DACH1: variants seen among roughly 807,000 people sequenced by gnomAD.
DACH1 encodes the protein dachshund family transcription factor 1, also known as dachshund homolog 1.
In DACH1, 12 loss-of-function variants were observed where a neutral mutation model predicts 54.2. That is an observed-to-expected ratio of 0.22 (90% confidence interval 0.14 to 0.36). The LOEUF (loss-of-function observed/expected upper bound fraction) is 0.36, where lower values mean the gene tolerates loss of function less well. Ranked by LOEUF, DACH1 falls within the 10% of genes least tolerant of loss-of-function variation. DACH1 has a pLI of 1.00. For synonymous variants in DACH1, 386 were observed against 366.2 expected (o/e 1.05, Z -0.62); for missense variants, 805 against 929.8 (o/e 0.87, Z 1.75).
rs1874800268 is a variant in DACH1, at chr13:71,866,481, CGCCACCGCCGCCTCCGTTGCCGCTGCT to C, written c.262_288del (p.Ser88_Gly96del). 2 of 1,247,844 alleles carry C rather than the reference CGCCACCGCCGCCTCCGTTGCCGCTGCT, an allele frequency of 1.6e-6. No homozygotes were observed. Among genetic ancestry groups the C allele is most frequent in the Non-Finnish European group, 2.0e-6 (2 of 992,862 alleles). The allele number at this position is 1,247,844 out of a possible 1,614,324, so 77.3% of individuals were successfully genotyped here. ...TTGCAGTTGCTGCCACCGCCGCCGCCGCCACCGCCGCCTCCGTTGCCGCTGCTGCCGCCGCCGCCTCCGCTGCCGCCG... is the reference window on the plus strand; with the variant it reads ...TTGCAGTTGCTGCCACCGCCGCCGCCGCCGCCGCCGCCTCCGCTGCCGCCG... On this transcript the variant is annotated inframe_deletion, in exon 1 of 11. Coordinates refer to ENST00000613252, the MANE Select transcript of DACH1 (RefSeq NM_080759.6).
chr13:71,573,382 A>C (rs1278226729), intron 3 of DACH1: 1 of 712,416 alleles, frequency 1.4e-6, no homozygotes, highest in Non-Finnish European at 2.6e-6. Flanking sequence ...ATTTAAAAAA[A>C]ACTATGATTT....
At chr13:71,775,127 CTTTTTTTT>C (rs767902341) in intron 1 of DACH1, among the ~76,000 whole-genome samples, 3 of 54,028 alleles carry the variant, frequency 5.6e-5, no homozygotes, top group African/African-American at 1.5e-4. Context: ...TCAACACAAG[CTTTTTTTT>C]TTTTTTTTTT....
chr13:71,579,314 G>C (rs1466030265), intron 3 of DACH1, among the ~76,000 whole-genome samples: 1 of 152,060 alleles, frequency 6.6e-6, no homozygotes, highest in Admixed American at 6.6e-5. Flanking sequence ...CAATGGTGCT[G>C]AAAGTAACAA....
Position 71,860,804 on chromosome 13 carries a change from A to G in DACH1, c.848+5118T>C, listed in dbSNP as rs1471994670. ...TTAGTAAAATAACTTGGAAAGATAA[A>G]ATAATACTAATTGATAGTTAAAGCA... On this transcript the variant is annotated intron_variant, in intron 1 of 10. Transcript: ENST00000613252. Among the ~76,000 whole-genome samples the G allele has an allele frequency of 2.0e-5, 3 of 152,026 alleles. No homozygotes were observed. The East Asian group carries it at 5.8e-4, about 29-fold the overall frequency.
intron 6 of DACH1, among the ~76,000 whole-genome samples, chr13:71,498,183 T>C (rs149790269): frequency 1.2e-3 from 187 of 152,308 alleles, no homozygotes; most frequent in African/African-American, 4.2e-3. Context: ...CTATCACCTA[T>C]ATCAGTGAGT....
chr13:71,561,980 A>T (rs1348177975), intron 4 of DACH1, among the ~76,000 whole-genome samples: 1 of 152,074 alleles, frequency 6.6e-6, no homozygotes, highest in African/African-American at 2.4e-5. Context: ...AAAGCGCTAT[A>T]AGAAGCTTCA....
At chr13:71,762,768 CAAAAAAAAAAAAAA>C (rs34543654) in intron 1 of DACH1, among the ~76,000 whole-genome samples, 1 of 71,178 alleles carries the variant, frequency 1.4e-5, no homozygotes, top group South Asian at 5.5e-4. Context: ...AACTTTGTCT[CAAAAAAAAAAAAAA>C]AAAAAAAAAA....
At chr13:71,793,878 T>G (rs2138102245) in intron 1 of DACH1, among the ~76,000 whole-genome samples, 1 of 152,320 alleles carries the variant, frequency 6.6e-6, no homozygotes, top group South Asian at 2.1e-4. Flanking sequence ...TTTAAGTAAC[T>G]TGACCAAGGT....
At position 71,818,128 on chromosome 13, in the gene DACH1, T is replaced by G. The variant is rs75334420; in HGVS notation, c.848+47794A>C. On this transcript the variant is annotated intron_variant, in intron 1 of 10. Transcript: ENST00000613252. ...GCACCCAGCCATTTTCAAAGTACAT[T>G]TATGTCTCACACAATATTTCTATTG... Among the ~76,000 whole-genome samples the G allele has an allele frequency of 1.4e-3, 213 of 152,218 alleles. 1 individual carries two copies. Among genetic ancestry groups the G allele is most frequent in the African/African-American group, 5.0e-3 (207 of 41,530 alleles).
At chr13:71,783,811 GAC>G (rs1181336411) in intron 1 of DACH1, among the ~76,000 whole-genome samples, 1 of 151,288 alleles carries the variant, frequency 6.6e-6, no homozygotes, top group African/African-American at 2.4e-5. Flanking sequence ...AAACATAAAA[GAC>G]ACAAAATAAT....
chr13:71,580,390 C>T (rs1017135997), intron 3 of DACH1, among the ~76,000 whole-genome samples: 1 of 152,018 alleles, frequency 6.6e-6, no homozygotes, highest in Non-Finnish European at 1.5e-5. Flanking sequence ...GATTTATAAT[C>T]ACATTAAATA....
chr13:71,727,759 T>C (rs1883540380), intron 1 of DACH1, among the ~76,000 whole-genome samples: 1 of 152,104 alleles, frequency 6.6e-6, no homozygotes, highest in Non-Finnish European at 1.5e-5. Flanking sequence ...AAATCACTGA[T>C]TCTATATTTA....
chr13:71,616,338 C>G (rs1566380729), intron 3 of DACH1, among the ~76,000 whole-genome samples: 1 of 152,166 alleles, frequency 6.6e-6, no homozygotes, highest in Non-Finnish European at 1.5e-5. Flanking sequence ...ATGCATGCAT[C>G]TTGGAATTTT....
chr13:71,481,906 C>A (rs139150270), intron 7 of DACH1, among the ~76,000 whole-genome samples: 5 of 152,254 alleles, frequency 3.3e-5, no homozygotes, highest in Non-Finnish European at 5.9e-5. Flanking sequence ...CACGTGCAAA[C>A]GGTCACGTTA....
chr13:71,572,706 G>A, intron 4 of DACH1, 134 bp downstream of exon 4: 1 of 970,970 alleles, frequency 1.0e-6, no homozygotes, highest in Non-Finnish European at 1.5e-6. Flanking sequence ...TGCTACAAGT[G>A]ATTTTTTTTA....
At chr13:71,489,763 T>A (rs1308770173) in intron 6 of DACH1, among the ~76,000 whole-genome samples, 2 of 152,100 alleles carry the variant, frequency 1.3e-5, no homozygotes, top group African/African-American at 4.8e-5. Flanking sequence ...CTTGAAGACC[T>A]TTTACCTTCA....
intron 6 of DACH1, among the ~76,000 whole-genome samples, chr13:71,552,526 C>A (rs371220877): frequency 1.3e-5 from 2 of 151,186 alleles, no homozygotes; most frequent in East Asian, 3.9e-4. Context: ...TAAGAAAAAC[C>A]AAAACAAATT....
At chr13:71,517,142 T>C (rs927373822) in intron 6 of DACH1, among the ~76,000 whole-genome samples, 4 of 151,814 alleles carry the variant, frequency 2.6e-5, no homozygotes, top group Non-Finnish European at 5.9e-5. Context: ...TTAAACAATA[T>C]ATGACAGAGA....
chr13:71,734,193 GTATACCCATATATA>G, intron 1 of DACH1, among the ~76,000 whole-genome samples: 1 of 26,960 alleles, frequency 3.7e-5, no homozygotes, highest in Non-Finnish European at 9.7e-5. Context: ...TCCCATATAC[GTATACCCATATATA>G]TGTATATCCC....
Sources: allele counts gnomAD v4.1 joint callset (sites outside exome capture counted in the v4.1 genomes callset), GRCh38; gene constraint gnomAD v4.1.1; transcripts MANE v1.5; gene names NCBI Gene and HGNC (gene_info 2026-07-23, HGNC 2026-07-21).